Variants in LINGO2 observed in about 807,000 individuals in gnomAD.
The protein encoded by LINGO2 is leucine-rich repeat and immunoglobulin-like domain-containing nogo receptor-interacting protein 2.
LINGO2 carries 14 observed loss-of-function variants against 30.6 expected under a neutral mutation model. That is an observed-to-expected ratio of 0.46 (90% confidence interval 0.30 to 0.72). The LOEUF (loss-of-function observed/expected upper bound fraction) is 0.72. Ranked by LOEUF, LINGO2 falls within the 30% of genes least tolerant of loss-of-function variation. LINGO2 has a pLI of 0.07. For missense variants in LINGO2, 729 were observed against 751.7 expected (o/e 0.97, Z 0.35); for synonymous variants, 317 against 288.5 (o/e 1.10, Z -1.00).
the LINGO2 span, among the ~76,000 whole-genome samples, chr9:29,143,495 G>C: frequency 6.6e-6 from 1 of 152,052 alleles, no homozygotes; most frequent in Admixed American, 6.6e-5. Context: ...AGAGAGCCTA[G>C]AAATAAATTT....
chr9:29,061,370 A>G, the LINGO2 span, among the ~76,000 whole-genome samples: 1 of 152,004 alleles, frequency 6.6e-6, no homozygotes, highest in Non-Finnish European at 1.5e-5. Context: ...CAAGGAACCA[A>G]AAGTAGCCAA....
At chr9:28,624,639 T>TG (rs1310768311) in intron 1 of LINGO2, among the ~76,000 whole-genome samples, 1 of 151,752 alleles carries the variant, frequency 6.6e-6, no homozygotes, top group Non-Finnish European at 1.5e-5. Flanking sequence ...TTCTTTTTTT[T>TG]TAATGTGTCT....
intron 4 of LINGO2, among the ~76,000 whole-genome samples, chr9:28,259,803 G>A (rs1822503946): frequency 6.6e-6 from 1 of 151,834 alleles, no homozygotes; most frequent in Admixed American, 6.6e-5. Flanking sequence ...TGAAGGTCTG[G>A]AAGCCAAAGG....
the LINGO2 span, among the ~76,000 whole-genome samples, chr9:29,194,462 C>T: frequency 2.0e-5 from 3 of 152,188 alleles, no homozygotes; most frequent in South Asian, 2.1e-4. Flanking sequence ...TCCTGTTCCC[C>T]GTGCATCAAC....
At chr9:28,283,717 T>C (rs1045907397) in intron 4 of LINGO2, among the ~76,000 whole-genome samples, 2 of 152,162 alleles carry the variant, frequency 1.3e-5, no homozygotes, top group South Asian at 2.1e-4. Flanking sequence ...TTTACAACCA[T>C]GTCTACATTT....
the LINGO2 span, among the ~76,000 whole-genome samples, chr9:28,882,252 A>C: frequency 2.0e-5 from 3 of 152,184 alleles, no homozygotes; most frequent in African/African-American, 7.2e-5. Flanking sequence ...ACTAAAATTC[A>C]CTTAGCCACT....
intron 3 of LINGO2, among the ~76,000 whole-genome samples, chr9:28,371,221 G>A (rs1038519828): frequency 2.0e-5 from 3 of 152,206 alleles, no homozygotes; most frequent in African/African-American, 7.2e-5. Context: ...ACAGTGTGGA[G>A]ATGATAGCTC....
At chr9:28,888,293 G>C in the LINGO2 span, among the ~76,000 whole-genome samples, 15 of 152,182 alleles carry the variant, frequency 9.9e-5, no homozygotes, top group East Asian at 2.9e-3. Flanking sequence ...ATGAAAGGCT[G>C]CTTTATGAGA....
At chr9:28,795,452 C>A in the LINGO2 span, among the ~76,000 whole-genome samples, 3 of 151,986 alleles carry the variant, frequency 2.0e-5, no homozygotes, top group African/African-American at 7.2e-5. Flanking sequence ...ATAATTATTA[C>A]ATGCCTGAAG....
chr9:28,822,749 T>C, the LINGO2 span, among the ~76,000 whole-genome samples: 1 of 152,158 alleles, frequency 6.6e-6, no homozygotes, highest in Non-Finnish European at 1.5e-5. Context: ...ACGGCCTTTC[T>C]TAGGACCTTG....
chr9:28,506,412 ATATATATATACACACAC>A (rs1564250421), intron 1 of LINGO2, among the ~76,000 whole-genome samples: 2,574 of 66,186 alleles, frequency 0.039, 135 homozygotes, highest in Middle Eastern at 0.12. Context: ...ATATATATAT[ATATATATATACACACAC>A]ACACACACAC....
chr9:28,066,397 C>T (rs1021869982), intron 4 of LINGO2, among the ~76,000 whole-genome samples: 2 of 151,964 alleles, frequency 1.3e-5, no homozygotes, highest in Non-Finnish European at 2.9e-5. Flanking sequence ...GGGGTGGCAC[C>T]AAAGAAATCA....
chr9:28,594,520 C>A (rs1018099247), intron 1 of LINGO2, among the ~76,000 whole-genome samples: 1 of 152,224 alleles, frequency 6.6e-6, no homozygotes, highest in African/African-American at 2.4e-5. Flanking sequence ...TTTACGCTTG[C>A]ACTTGCCTTC....
intron 4 of LINGO2, among the ~76,000 whole-genome samples, chr9:28,056,591 A>G (rs888800212): frequency 6.6e-6 from 1 of 152,156 alleles, no homozygotes; most frequent in South Asian, 2.1e-4. Flanking sequence ...GTGATTGGCT[A>G]AAGCCAATTA....
At chr9:28,504,563 C>T (rs1049728793) in intron 1 of LINGO2, among the ~76,000 whole-genome samples, 9 of 151,614 alleles carry the variant, frequency 5.9e-5, no homozygotes, top group Admixed American at 3.3e-4. Flanking sequence ...TCATCTCTTT[C>T]GAATCTCACT....
chr9:28,219,843 A>G (rs1820894999), intron 4 of LINGO2, among the ~76,000 whole-genome samples: 1 of 152,204 alleles, frequency 6.6e-6, no homozygotes, highest in South Asian at 2.1e-4. Flanking sequence ...GGAGATTCAT[A>G]ACAAAGATTA....
chr9:28,086,970 C>A (rs1044109960), intron 4 of LINGO2, among the ~76,000 whole-genome samples: 1 of 152,128 alleles, frequency 6.6e-6, no homozygotes, highest in African/African-American at 2.4e-5. Flanking sequence ...TTTTTCCAAC[C>A]TTTGGATCAG....
chr9:28,076,865 C>T (rs1159330462), intron 4 of LINGO2, among the ~76,000 whole-genome samples: 1 of 152,068 alleles, frequency 6.6e-6, no homozygotes, highest in African/African-American at 2.4e-5. Flanking sequence ...ATCTTTTCCC[C>T]TCTGGCTGCT....
At chr9:28,158,760 G>C (rs956808243) in intron 4 of LINGO2, among the ~76,000 whole-genome samples, 2 of 152,080 alleles carry the variant, frequency 1.3e-5, no homozygotes, top group African/African-American at 4.8e-5. Flanking sequence ...CAGCTTCCAA[G>C]GATACCCTAA....
Sources: gnomAD v4.1 joint callset for allele counts (sites outside exome capture counted in the v4.1 genomes callset) on GRCh38, gnomAD v4.1.1 for gene constraint, MANE v1.5 for transcripts, NCBI Gene and HGNC (gene_info 2026-07-23, HGNC 2026-07-21) for gene names.